The following TLN2 variants were observed in gnomAD, a reference collection of about 807,000 sequenced individuals.
TLN2 encodes talin 2.
Under a neutral mutation model 294.7 loss-of-function variants are expected in TLN2, and 118 were observed. The observed-to-expected ratio is 0.40, with a 90% confidence interval of 0.34 to 0.47. The LOEUF is 0.47. TLN2 is among the 20% of genes least tolerant of loss of function. The pLI, the probability that TLN2 is intolerant of heterozygous loss-of-function variation, is 0.84. For missense variants in TLN2, 3,083 were observed against 3,282.2 expected (o/e 0.94, Z 1.48); for synonymous variants, 1,431 against 1,304.5 (o/e 1.10, Z -2.09).
chr15:62,786,290 A>C (rs1264133812), intron 45 of TLN2, among the ~76,000 whole-genome samples: 1 of 152,244 alleles, frequency 6.6e-6, no homozygotes, highest in Admixed American at 6.5e-5. Flanking sequence ...CCTTCGCTGC[A>C]GTCCCGCAGT....
At chr15:62,823,617 C>T (rs1405260182) in intron 54 of TLN2, among the ~76,000 whole-genome samples, 3 of 152,176 alleles carry the variant, frequency 2.0e-5, no homozygotes, top group African/African-American at 7.2e-5. Context: ...TGCTCACCAC[C>T]GTCTCAGGTT....
intron 1 of TLN2, among the ~76,000 whole-genome samples, chr15:62,537,845 C>CT (rs150504025): frequency 1.3e-5 from 2 of 152,276 alleles, no homozygotes; most frequent in East Asian, 3.9e-4. Context: ...GCATCCTTTC[C>CT]TTTTGATAGT....
intron 9 of TLN2, among the ~76,000 whole-genome samples, chr15:62,672,081 C>G (rs1284096786): frequency 6.6e-6 from 1 of 152,090 alleles, no homozygotes; most frequent in Non-Finnish European, 1.5e-5. Context: ...TAAAAAGTTC[C>G]CGATCAAGTT....
At chr15:62,521,692 G>T (rs1308394766) in intron 1 of TLN2, among the ~76,000 whole-genome samples, 1 of 152,132 alleles carries the variant, frequency 6.6e-6, no homozygotes, top group African/African-American at 2.4e-5. Flanking sequence ...ATCTTAAAAG[G>T]TGTCAGACTC....
In TLN2 at chr15:62,823,015, T is replaced by C. The variant is rs188770267; in HGVS notation, c.7002+2405T>C. 1.9e-4 allele frequency among the ~76,000 whole-genome samples: 29 copies of C among 152,320 alleles called. No individual in the cohort carries two copies. The East Asian group carries it at 5.6e-3, about 29-fold the overall frequency. On this transcript the variant is annotated intron_variant, in intron 54 of 58. Transcript: ENST00000636159. ...CTCCCTACAGTACTCTAGGATCATA[T>C]AGCCTTTGTGTTTACATTGAGGGTT...
At chr15:62,553,384 C>T (rs1385026730) in intron 1 of TLN2, among the ~76,000 whole-genome samples, 1 of 152,010 alleles carries the variant, frequency 6.6e-6, no homozygotes, top group Non-Finnish European at 1.5e-5. Context: ...ACTCAGGAGG[C>T]TGAGGCAGGA....
chr15:62,399,256 CAAAAAAAAAAAAAAAAA>C, intron 1 of TLN2, among the ~76,000 whole-genome samples: 1 of 58,434 alleles, frequency 1.7e-5, no homozygotes, highest in East Asian at 6.2e-4. Flanking sequence ...CCGTCTCAAA[CAAAAAAAAAAAAAAAAA>C]AAAAAAAAAA....
intron 4 of TLN2, among the ~76,000 whole-genome samples, chr15:62,648,627 A>G (rs1475364010): frequency 6.9e-6 from 1 of 144,262 alleles, no homozygotes; most frequent in African/African-American, 2.6e-5. Context: ...GGCTCACTGC[A>G]ACCTCCACCT....
intron 57 of TLN2, among the ~76,000 whole-genome samples, chr15:62,837,423 G>C (rs1333989593): frequency 6.6e-6 from 1 of 152,156 alleles, no homozygotes; most frequent in Non-Finnish European, 1.5e-5. Context: ...CTTTTCAGGG[G>C]TTTCATCTGT....
At position 62,805,905 on chromosome 15, in the gene TLN2, C is replaced by T. The variant is rs2066245036; in HGVS notation, c.6663+120C>T. The stretch of plus-strand genomic sequence containing the variant: ...TTAAACTTTGTAATAAAAATGCACA[C>T]AGGGCCAGGGGTAGTGGCTTATGCC... On this transcript the variant is annotated intron_variant, in intron 51 of 58. Coordinates refer to ENST00000636159, the MANE Select transcript of TLN2 (RefSeq NM_015059.3). 4 of 1,120,368 alleles carry T rather than the reference C, an allele frequency of 3.6e-6. No individual in the cohort carries two copies. In the South Asian group the frequency reaches 5.7e-5, roughly 16 times the overall value. 69.4% of individuals were successfully genotyped at this position (1,120,368 alleles called of 1,614,324 possible).
At chr15:62,815,239 G>A (rs920685515) in intron 52 of TLN2, among the ~76,000 whole-genome samples, 10 of 131,096 alleles carry the variant, frequency 7.6e-5, no homozygotes, top group African/African-American at 2.4e-4. Flanking sequence ...ACACTCACTC[G>A]CTCTGCCCTT....
intron 1 of TLN2, among the ~76,000 whole-genome samples, chr15:62,536,869 T>C (rs1225503205): frequency 1.3e-5 from 2 of 152,200 alleles, no homozygotes; most frequent in Non-Finnish European, 2.9e-5. Flanking sequence ...TCAGGGTAAT[T>C]AGCATATTCA....
chr15:62,505,824 A>G (rs932956663), intron 1 of TLN2, among the ~76,000 whole-genome samples: 25 of 152,248 alleles, frequency 1.6e-4, no homozygotes, highest in Admixed American at 8.5e-4. Context: ...GTCTGCCTCT[A>G]TGATGGGGGG....
chr15:62,675,535 G>A (rs551741361), intron 11 of TLN2, among the ~76,000 whole-genome samples: 1 of 152,264 alleles, frequency 6.6e-6, no homozygotes, highest in African/African-American at 2.4e-5. Context: ...GGAGCCCCTG[G>A]GCAGCTGGGC....
At chr15:62,594,974 A>C (rs1027232974) in intron 2 of TLN2, among the ~76,000 whole-genome samples, 1 of 152,236 alleles carries the variant, frequency 6.6e-6, no homozygotes, top group African/African-American at 2.4e-5. Context: ...ATTAAAAATG[A>C]GCAAAGAATC....
intron 1 of TLN2, among the ~76,000 whole-genome samples, chr15:62,523,319 C>T (rs1266380710): frequency 1.3e-5 from 2 of 152,208 alleles, no homozygotes; most frequent in Non-Finnish European, 2.9e-5. Flanking sequence ...TTCTCCTGCA[C>T]TTCTCTAACC....
At chr15:62,543,004 G>C (rs1353262897) in intron 1 of TLN2, among the ~76,000 whole-genome samples, 1 of 152,146 alleles carries the variant, frequency 6.6e-6, no homozygotes, top group Non-Finnish European at 1.5e-5. Flanking sequence ...TAGGATATGT[G>C]ACCTAGGACA....
At chr15:62,668,227 G>T (rs1472785940) in intron 9 of TLN2, among the ~76,000 whole-genome samples, 9 of 152,074 alleles carry the variant, frequency 5.9e-5, no homozygotes, top group Non-Finnish European at 1.3e-4. Flanking sequence ...TTTACAAAGA[G>T]TAAATTTTAC....
intron 36 of TLN2, 106 bp from the exon 37 acceptor site, chr15:62,755,426 C>T: frequency 7.3e-7 from 1 of 1,364,130 alleles, no homozygotes; most frequent in South Asian, 1.6e-5. Flanking sequence ...TGTAATTACA[C>T]AGGCTCTGAA....
Sources: gnomAD v4.1 joint callset for allele counts (sites outside exome capture counted in the v4.1 genomes callset) on GRCh38, gnomAD v4.1.1 for gene constraint, MANE v1.5 for transcripts, NCBI Gene and HGNC (gene_info 2026-07-23, HGNC 2026-07-21) for gene names.